Variants in TRNT1 observed in about 807,000 individuals in gnomAD.
TRNT1 encodes CCA tRNA nucleotidyltransferase 1, mitochondrial.
Under a neutral mutation model 45.6 loss-of-function variants are expected in TRNT1, and 44 were observed. The ratio of observed to expected loss-of-function variants is 0.97; its 90% CI spans 0.76 to 1.24. The LOEUF is 1.24. Among genes scored for constraint, TRNT1 ranks in the 50% most tolerant of loss-of-function variants. The pLI, the probability that TRNT1 is intolerant of heterozygous loss-of-function variation, is 0.00. For missense variants in TRNT1, 633 were observed against 504.4 expected (o/e 1.25, Z -2.44); for synonymous variants, 201 against 171.4 (o/e 1.17, Z -1.35).
chr3:3,143,291 G>T (rs1019089475), intron 4 of TRNT1, among the ~76,000 whole-genome samples: 1 of 152,092 alleles, frequency 6.6e-6, no homozygotes, highest in East Asian at 1.9e-4. Flanking sequence ...AATGTCTCAG[G>T]CAAACCAGTA....
At chr3:3,144,766 C>A in intron 5 of TRNT1, 56 bp downstream of exon 5, 1 of 1,423,318 alleles carries the variant, frequency 7.0e-7, no homozygotes, top group South Asian at 1.4e-5. Context: ...TAGAGCATAA[C>A]AGTGGTCATA....
intron 2 of TRNT1, chr3:3,129,868 G>A (rs1704892082): frequency 6.4e-7 from 1 of 1,550,554 alleles, no homozygotes; most frequent in African/African-American, 1.4e-5. Flanking sequence ...AACTTACGCA[G>A]ATTGATTTCA....
Position 3,147,708 on chromosome 3 carries a change from G to C in TRNT1, c.1056+5G>C. 6.2e-7 allele frequency: 1 copy of C among 1,604,086 alleles called. No individual in the cohort carries two copies. Among genetic ancestry groups the C allele is most frequent in the Non-Finnish European group, 8.5e-7 (1 of 1,175,488 alleles). On this transcript the variant is annotated splice_donor_5th_base_variant and intron_variant, in intron 7 of 7. Coordinates refer to ENST00000251607, the MANE Select transcript of TRNT1 (RefSeq NM_182916.3). The stretch of plus-strand genomic sequence containing the variant: ...TATCAAGACTTCATTATAGATGTAA[G>C]TATATACTAGGCTTGGTCAGAAATA...
chr3:3,129,187 A>C lies in TRNT1; in HGVS notation c.147A>C (p.Thr49=), dbSNP rs1233728585. ...TCACAGAAGGACTGAAGAGTCTGAC[A>C]GGTGAGAGATTAGGATACCTTTTCT... is the stretch of plus-strand genomic sequence containing the variant. ...SLFTEGLKSL[T]ELFVKENHEL... The change falls in exon 2 of 8, where the codon ACA becomes ACC. Residue 49 remains threonine (T), a splice_region_variant and synonymous_variant. Coordinates refer to ENST00000251607, the MANE Select transcript of TRNT1 (RefSeq NM_182916.3). 6.2e-7 allele frequency: 1 copy of C among 1,613,902 alleles called. No homozygotes were observed. Among genetic ancestry groups the C allele is most frequent in the Non-Finnish European group, 8.5e-7 (1 of 1,179,936 alleles).
intron 3 of TRNT1, among the ~76,000 whole-genome samples, chr3:3,139,442 A>G (rs1363213599): frequency 6.6e-6 from 1 of 152,192 alleles, no homozygotes; most frequent in Non-Finnish European, 1.5e-5. Flanking sequence ...CACTTCCTAA[A>G]TAAAGACATT....
intron 2 of TRNT1, among the ~76,000 whole-genome samples, chr3:3,132,706 A>T (rs1222622335): frequency 7.7e-5 from 11 of 142,530 alleles, no homozygotes; most frequent in Admixed American, 3.5e-4. Flanking sequence ...TTAAAAAAAT[A>T]AAAAAAAACA....
intron 2 of TRNT1, chr3:3,130,637 C>G (rs1338610337): frequency 6.6e-6 from 1 of 152,088 alleles, no homozygotes; most frequent in African/African-American, 2.4e-5. Context: ...TTTTACTAAC[C>G]ACATTAAAAA....
At chr3:3,139,018 G>A (rs929382379) in intron 3 of TRNT1, among the ~76,000 whole-genome samples, 1 of 152,150 alleles carries the variant, frequency 6.6e-6, no homozygotes, top group Non-Finnish European at 1.5e-5. Context: ...ATTATGCCAG[G>A]GAATGAACCT....
intron 3 of TRNT1, 85 bp downstream of exon 3, chr3:3,137,538 GAA>G: frequency 2.5e-6 from 3 of 1,195,702 alleles, no homozygotes; most frequent in Non-Finnish European, 3.5e-6. Flanking sequence ...AGCAAATAAC[GAA>G]AAGTCTAATA....
intron 3 of TRNT1, among the ~76,000 whole-genome samples, chr3:3,139,593 T>C (rs334764): frequency 1 from 152,213 of 152,348 alleles, 76,039 homozygotes; most frequent in Middle Eastern, 1. Flanking sequence ...TTGAAGTTTT[T>C]CTACCACACC....
intron 5 of TRNT1, 151 bp from the exon 6 acceptor site, chr3:3,146,279 G>C (rs921376327): frequency 4.4e-6 from 2 of 449,802 alleles, no homozygotes; most frequent in African/African-American, 2.0e-5. Flanking sequence ...GAAATGACCA[G>C]TTGCTTTCTA....
intron 2 of TRNT1, among the ~76,000 whole-genome samples, chr3:3,131,100 G>C (rs1173007347): frequency 1.3e-5 from 2 of 151,766 alleles, no homozygotes; most frequent in African/African-American, 4.8e-5. Flanking sequence ...AAATTAATGA[G>C]ATATTTTATA....
intron 2 of TRNT1, 100 bp from the exon 3 acceptor site, chr3:3,137,160 C>A: frequency 1.1e-6 from 1 of 916,950 alleles, no homozygotes; most frequent in Non-Finnish European, 1.6e-6. Flanking sequence ...TGAATCTCTG[C>A]TGTTCCAACT....
In TRNT1 at chr3:3,147,663, G is replaced by C; in HGVS notation, c.1016G>C (p.Ser339Thr). The C allele has an allele frequency of 1.2e-6, 2 of 1,613,498 alleles. No individual in the cohort carries two copies. Among genetic ancestry groups the C allele is most frequent in the African/African-American group, 2.7e-5 (2 of 74,970 alleles). Residue 339 changes from serine (S) to threonine (T), a missense_variant, in exon 7 of 8, where the codon AGT becomes ACT. By Grantham distance (58) the Ser-to-Thr change is moderately conservative. Coordinates refer to ENST00000251607, the MANE Select transcript of TRNT1 (RefSeq NM_182916.3). ...AAAGATTTAATTAAAGCAACAGATA[G>C]TTCAGACCCATTGAAACCCTATCAA... is the stretch of plus-strand genomic sequence containing the variant. ...NRKDLIKATD[S>T]SDPLKPYQDF...
intron 2 of TRNT1, chr3:3,129,523 G>C (rs1162606413): frequency 2.5e-6 from 1 of 398,418 alleles, no homozygotes; most frequent in Non-Finnish European, 4.7e-6. Context: ...GGAGTTTGAG[G>C]CTGCAGTGAG....
In TRNT1 at chr3:3,126,985, G is replaced by A. The variant is rs1553550668; in HGVS notation, c.-33G>A. On this transcript the variant is annotated 5_prime_UTR_variant, in exon 1 of 8. Transcript: ENST00000251607. ...GGCGGTGGCGGCTGCGGCAACAGCG[G>A]GGCCGGTAAGCGGGCGCGCGCCGCT... The A allele has an allele frequency of 6.5e-6, 1 of 152,974 alleles. No homozygotes were observed. Among genetic ancestry groups the A allele is most frequent in the Non-Finnish European group, 1.5e-5 (1 of 68,664 alleles). 9.5% of individuals were successfully genotyped at this position (152,974 alleles called of 1,614,324 possible).
chr3:3,143,698 CG>C (rs1321053514), intron 4 of TRNT1, among the ~76,000 whole-genome samples: 2 of 105,548 alleles, frequency 1.9e-5, no homozygotes, highest in Non-Finnish European at 5.2e-5. Flanking sequence ...GCCCACTTGC[CG>C]AAACCCTGTC....
chr3:3,149,042 A>G (rs1394194400), downstream of TRNT1: 2 of 151,798 alleles, frequency 1.3e-5, no homozygotes, highest in African/African-American at 4.9e-5. Flanking sequence ...TTCAGCTGCT[A>G]TAATTTCAGC....
downstream of TRNT1, chr3:3,150,674 CT>C (rs1204346605): frequency 1.7e-6 from 1 of 573,998 alleles, no homozygotes; most frequent in Non-Finnish European, 3.0e-6. Context: ...GCCGTTCATG[CT>C]TGTTTCCTAA....
Sources: gnomAD v4.1 joint callset for allele counts (sites outside exome capture counted in the v4.1 genomes callset) on GRCh38, gnomAD v4.1.1 for gene constraint, MANE v1.5 for transcripts, NCBI Gene and HGNC (gene_info 2026-07-23, HGNC 2026-07-21) for gene names.